Variants in INPP4B observed in about 807,000 individuals in gnomAD.
INPP4B encodes the protein inositol polyphosphate-4-phosphatase type II B.
In INPP4B, 55 loss-of-function variants were observed where a neutral mutation model predicts 122.5. The observed-to-expected ratio is 0.45, with a 90% CI of 0.36 to 0.56. The LOEUF is 0.56. Ranked by LOEUF, INPP4B falls within the 20% of genes least tolerant of loss-of-function variation. The pLI, the probability that INPP4B is intolerant of heterozygous loss-of-function variation, is 0.00. For missense variants in INPP4B, 1,000 were observed against 1,097.7 expected (o/e 0.91, Z 1.26); for synonymous variants, 403 against 388.7 (o/e 1.04, Z -0.43).
At chr4:142,550,519 A>G (rs1263359947) in intron 2 of INPP4B, among the ~76,000 whole-genome samples, 1 of 151,788 alleles carries the variant, frequency 6.6e-6, no homozygotes, top group Non-Finnish European at 1.5e-5. Context: ...TATCCAGAAT[A>G]GAAATTCTTT....
At chr4:142,110,936 C>A (rs1229315321) in intron 22 of INPP4B, among the ~76,000 whole-genome samples, 6 of 152,032 alleles carry the variant, frequency 3.9e-5, no homozygotes, top group African/African-American at 1.4e-4. Flanking sequence ...CTTATTAATT[C>A]CAACTCAAAA....
At chr4:142,745,812 A>C (rs1342551150) in intron 1 of INPP4B, among the ~76,000 whole-genome samples, 1 of 151,926 alleles carries the variant, frequency 6.6e-6, no homozygotes. Context: ...CTCAAGACAA[A>C]ATCTATTTCA....
At chr4:142,311,844 A>G (rs971786957) in intron 8 of INPP4B, among the ~76,000 whole-genome samples, 1 of 152,064 alleles carries the variant, frequency 6.6e-6, no homozygotes, top group Non-Finnish European at 1.5e-5. Flanking sequence ...TTTTCACTCA[A>G]CCCAGAATGT....
chr4:142,710,543 A>C (rs1762987004), intron 2 of INPP4B, among the ~76,000 whole-genome samples: 1 of 152,204 alleles, frequency 6.6e-6, no homozygotes, highest in Non-Finnish European at 1.5e-5. Context: ...AAAGAGGAGA[A>C]TGGAAAATAT....
At chr4:142,134,656 G>T (rs1319956339) in intron 18 of INPP4B, among the ~76,000 whole-genome samples, 1 of 151,946 alleles carries the variant, frequency 6.6e-6, no homozygotes, top group Non-Finnish European at 1.5e-5. Context: ...AATTAGTTGG[G>T]CATAGTGGCG....
At chr4:142,800,999 A>G (rs1777924634) in intron 1 of INPP4B, among the ~76,000 whole-genome samples, 1 of 152,156 alleles carries the variant, frequency 6.6e-6, no homozygotes, top group South Asian at 2.1e-4. Flanking sequence ...GATTTGATGA[A>G]GAGTGTGCTG....
chr4:142,541,683 A>G (rs78966175), intron 2 of INPP4B, among the ~76,000 whole-genome samples: 2 of 152,128 alleles, frequency 1.3e-5, no homozygotes, highest in Non-Finnish European at 2.9e-5. Flanking sequence ...AGCGCTGCAG[A>G]CTTTTTCTTC....
Position 142,842,585 on chromosome 4 carries a change from G to C in INPP4B, c.-254+3624C>G, listed in dbSNP as rs562886896. Among the ~76,000 whole-genome samples the C allele has an allele frequency of 1.1e-3, 156 of 136,186 alleles. 1 individual carries two copies. Among genetic ancestry groups the C allele is most frequent in the African/African-American group, 3.7e-3 (136 of 36,826 alleles). 89.3% of individuals were successfully genotyped at this position (136,186 alleles called of 152,430 possible). A position where few individuals can be genotyped will look rare whatever the true frequency, so the allele number is the denominator to read the frequency against. Reference sequence around the variant, plus strand: ...TATATAATATATGATATATAAGATAGTTATTGTATTATTATATGTATAATA... The same window carrying C: ...TATATAATATATGATATATAAGATACTTATTGTATTATTATATGTATAATA... On this transcript the variant is annotated intron_variant, in intron 1 of 25. Transcript: ENST00000262992.
intron 23 of INPP4B, among the ~76,000 whole-genome samples, chr4:142,097,586 G>T (rs1782534201): frequency 6.6e-6 from 1 of 151,874 alleles, no homozygotes; most frequent in African/African-American, 2.4e-5. Flanking sequence ...GGCTTATTTT[G>T]CCCTATAGTA....
At chr4:142,777,095 G>A (rs1318831539) in intron 1 of INPP4B, among the ~76,000 whole-genome samples, 1 of 152,146 alleles carries the variant, frequency 6.6e-6, no homozygotes, top group African/African-American at 2.4e-5. Context: ...TCTGTGTTAA[G>A]GCAGTGGCTC....
At chr4:142,121,286 A>G (rs559728094) in intron 21 of INPP4B, among the ~76,000 whole-genome samples, 3 of 152,240 alleles carry the variant, frequency 2.0e-5, no homozygotes, top group East Asian at 3.9e-4. Flanking sequence ...GGTATCCTTC[A>G]TAACATTTAA....
intron 2 of INPP4B, among the ~76,000 whole-genome samples, chr4:142,564,475 G>GAAA (rs1383242540): frequency 8.0e-6 from 1 of 124,754 alleles, no homozygotes; most frequent in African/African-American, 2.9e-5. Flanking sequence ...AAGAAAGAAA[G>GAAA]AAAAAAAAGA....
chr4:142,736,371 A>C (rs2150899751), intron 1 of INPP4B, among the ~76,000 whole-genome samples: 1 of 152,208 alleles, frequency 6.6e-6, no homozygotes, highest in South Asian at 2.1e-4. Context: ...AATAATATGG[A>C]ATGCTTCATT....
chr4:142,303,618 G>C (rs1053921187), intron 9 of INPP4B, among the ~76,000 whole-genome samples: 1 of 151,996 alleles, frequency 6.6e-6, no homozygotes, highest in Non-Finnish European at 1.5e-5. Flanking sequence ...TAATCTGTCT[G>C]GTTCATAGGG....
chr4:142,639,225 T>G (rs1448909200), intron 2 of INPP4B, among the ~76,000 whole-genome samples: 1 of 152,188 alleles, frequency 6.6e-6, no homozygotes, highest in East Asian at 1.9e-4. Context: ...GTCTGTAAGT[T>G]GCTTTTTTTG....
chr4:142,700,334 A>T (rs1384795235), intron 2 of INPP4B, among the ~76,000 whole-genome samples: 3 of 152,228 alleles, frequency 2.0e-5, no homozygotes, highest in Non-Finnish European at 4.4e-5. Context: ...TGAGAGCACT[A>T]GTTGGACACA....
At chr4:142,610,518 A>G (rs908987792) in intron 2 of INPP4B, among the ~76,000 whole-genome samples, 2 of 152,190 alleles carry the variant, frequency 1.3e-5, no homozygotes. Flanking sequence ...AATAAATAAG[A>G]CTCAGAATAA....
At position 142,559,337 on chromosome 4, in the gene INPP4B, G is replaced by A. The variant is rs1296236645; in HGVS notation, c.-190-96611C>T. On this transcript the variant is annotated intron_variant, in intron 2 of 25. Transcript: ENST00000262992. ...CACTGTTATGCTTTTGTTTATCTTT[G>A]TGGCTTGAGAATTATTCAAATTTAA... 2.6e-5 allele frequency among the ~76,000 whole-genome samples: 4 copies of A among 152,076 alleles called. No homozygotes were observed. The East Asian group carries it at 7.7e-4, about 29-fold the overall frequency.
At chr4:142,225,913 C>A (rs1209642282) in intron 12 of INPP4B, among the ~76,000 whole-genome samples, 8 of 152,048 alleles carry the variant, frequency 5.3e-5, no homozygotes. Context: ...TTTGTGGCTA[C>A]CACAGTCTCT....
Sources: gnomAD v4.1 joint callset for allele counts (sites outside exome capture counted in the v4.1 genomes callset) on GRCh38, gnomAD v4.1.1 for gene constraint, MANE v1.5 for transcripts, NCBI Gene and HGNC (gene_info 2026-07-23, HGNC 2026-07-21) for gene names.